Variants in HHAT observed in about 807,000 individuals in gnomAD.
The protein encoded by HHAT is hedgehog acyltransferase.
Under a neutral mutation model 70.8 loss-of-function variants are expected in HHAT, and 47 were observed. That is an observed-to-expected ratio of 0.66 (90% confidence interval 0.53 to 0.85). The LOEUF (loss-of-function observed/expected upper bound fraction) is 0.85. Among genes scored for constraint, HHAT ranks in the 40% least tolerant of loss-of-function variants. The pLI is 0.00. For missense variants in HHAT, 609 were observed against 604.8 expected, an observed-to-expected ratio of 1.01 and a Z score of -0.07; for synonymous variants, 228 against 247.6, an observed-to-expected ratio of 0.92 and a Z score of 0.74.
intron 8 of HHAT, among the ~76,000 whole-genome samples, chr1:210,487,783 G>A (rs1057146799): frequency 3.9e-5 from 6 of 152,134 alleles, no homozygotes; most frequent in African/African-American, 1.4e-4. Context: ...ATTTATGAAG[G>A]AAGTGCTCAT....
chr1:210,615,933 G>A (rs544347723), intron 10 of HHAT, among the ~76,000 whole-genome samples: 12 of 152,262 alleles, frequency 7.9e-5, no homozygotes, highest in Admixed American at 2.0e-4. Context: ...CTCAAGCTGC[G>A]TGCTGGGAGA....
intron 8 of HHAT, among the ~76,000 whole-genome samples, chr1:210,480,895 A>G (rs1435814633): frequency 6.6e-6 from 1 of 152,212 alleles, no homozygotes; most frequent in Non-Finnish European, 1.5e-5. Flanking sequence ...CTGTGACTCC[A>G]TCCATCTATC....
chr1:210,606,719 C>A (rs1457878282), intron 10 of HHAT, among the ~76,000 whole-genome samples: 2 of 152,052 alleles, frequency 1.3e-5, no homozygotes, highest in Non-Finnish European at 2.9e-5. Flanking sequence ...AAGAAAAAGG[C>A]CATAGGAGAT....
chr1:210,373,975 G>A (rs1158588445), intron 3 of HHAT, among the ~76,000 whole-genome samples: 1 of 151,998 alleles, frequency 6.6e-6, no homozygotes, highest in Non-Finnish European at 1.5e-5. Flanking sequence ...ATGTCACCAG[G>A]GAAAGTTACA....
chr1:210,599,190 G>A (rs1350943053), intron 10 of HHAT, among the ~76,000 whole-genome samples: 1 of 152,098 alleles, frequency 6.6e-6, no homozygotes, highest in Non-Finnish European at 1.5e-5. Context: ...TTAAACTCTG[G>A]ATTTTAAATA....
At chr1:210,491,994 C>T (rs906880498) in intron 8 of HHAT, among the ~76,000 whole-genome samples, 3 of 152,122 alleles carry the variant, frequency 2.0e-5, no homozygotes, top group African/African-American at 7.2e-5. Context: ...AACTCCTGAC[C>T]TCAGGCAATC....
intron 9 of HHAT, among the ~76,000 whole-genome samples, chr1:210,558,201 A>G (rs761738541): frequency 3.3e-5 from 5 of 152,180 alleles, no homozygotes; most frequent in African/African-American, 7.2e-5. Flanking sequence ...ATACCCAGCA[A>G]TTGGTGGGTG....
At position 210,575,007 on chromosome 1, in the gene HHAT, A is replaced by G. The variant is rs78008989; in HGVS notation, c.1044-12891A>G. 1.0e-3 allele frequency among the ~76,000 whole-genome samples: 153 copies of G among 152,312 alleles called. 2 individuals carry two copies. In the East Asian group the frequency reaches 0.022, roughly 22 times the overall value. On this transcript the variant is annotated intron_variant, in intron 9 of 11. Coordinates refer to ENST00000261458, the MANE Select transcript of HHAT (RefSeq NM_018194.6). ...GAAAGGAAACATCCAGGAGAAACCCATAGTTCACATGCTGATTAGAGGAGG... is the reference window on the plus strand; with the variant it reads ...GAAAGGAAACATCCAGGAGAAACCCGTAGTTCACATGCTGATTAGAGGAGG...
chr1:210,390,530 G>A (rs1020429956), intron 4 of HHAT, among the ~76,000 whole-genome samples: 10 of 151,912 alleles, frequency 6.6e-5, no homozygotes, highest in African/African-American at 1.2e-4. Context: ...AGTAGTTTTC[G>A]GGGTACAGGT....
chr1:210,594,509 T>TATC (rs1662492571), intron 10 of HHAT, among the ~76,000 whole-genome samples: 1 of 149,614 alleles, frequency 6.7e-6, no homozygotes, highest in Admixed American at 6.7e-5. Context: ...CTCATTGTAC[T>TATC]ATCTATGTCT....
intron 4 of HHAT, among the ~76,000 whole-genome samples, chr1:210,399,140 G>A (rs2091941274): frequency 6.6e-6 from 1 of 152,170 alleles, no homozygotes; most frequent in Non-Finnish European, 1.5e-5. Context: ...TGGTTCCTGG[G>A]ATCCACATTT....
rs1027575673 is a variant in HHAT at position 210,675,281 on chromosome 1, C to T, written c.*902C>T. Reference sequence around the variant, plus strand: ...TTATATTATTAAGGTTTGATTCAAACAGAGCCTTTTCTGTCCTGTAGATAA... The same window carrying T: ...TTATATTATTAAGGTTTGATTCAAATAGAGCCTTTTCTGTCCTGTAGATAA... On this transcript the variant is annotated 3_prime_UTR_variant, in exon 12 of 12. Coordinates refer to ENST00000261458, the MANE Select transcript of HHAT (RefSeq NM_018194.6). 2.0e-5 allele frequency: 3 copies of T among 152,148 alleles called. No homozygotes were observed. The highest frequency in any genetic ancestry group is 4.4e-5 in the Non-Finnish European group (3 of 68,026). 9.4% of individuals were successfully genotyped at this position (152,148 alleles called of 1,614,324 possible). A position where few individuals can be genotyped will look rare whatever the true frequency, so the allele number is the denominator to read the frequency against.
intron 11 of HHAT, among the ~76,000 whole-genome samples, chr1:210,662,491 T>C (rs1677955538): frequency 6.6e-6 from 1 of 152,164 alleles, no homozygotes; most frequent in Admixed American, 6.5e-5. Context: ...ACAACACTCC[T>C]AATTAGGCTG....
Position 210,453,523 on chromosome 1 carries a change from C to G in HHAT, c.857-10982C>G, listed in dbSNP as rs112680860. Among the ~76,000 whole-genome samples the G allele has an allele frequency of 5.8e-3, 883 of 152,166 alleles. 12 individuals carry two copies. Among genetic ancestry groups the G allele is most frequent in the African/African-American group, 0.02 (845 of 41,500 alleles). ...AAAATACCCCCTATTCCGTGCCTTCCCTTTCCCCCTTTCTCTCCTTCCCCC... is the reference window on the plus strand; with the variant it reads ...AAAATACCCCCTATTCCGTGCCTTCGCTTTCCCCCTTTCTCTCCTTCCCCC... On this transcript the variant is annotated intron_variant, in intron 7 of 11. Coordinates refer to ENST00000261458, the MANE Select transcript of HHAT (RefSeq NM_018194.6).
chr1:210,448,081 C>CT (rs34807311), intron 7 of HHAT, among the ~76,000 whole-genome samples: 29,692 of 136,708 alleles, frequency 0.22, 3,384 homozygotes, highest in South Asian at 0.29. Flanking sequence ...GTTAGAGGTT[C>CT]TTTTTTTTTT....
chr1:210,662,628 G>A (rs997031291), intron 11 of HHAT, among the ~76,000 whole-genome samples: 1 of 152,056 alleles, frequency 6.6e-6, no homozygotes, highest in Admixed American at 6.5e-5. Context: ...TGGAAAGCAG[G>A]TCCCCTACCT....
intron 11 of HHAT, among the ~76,000 whole-genome samples, chr1:210,672,713 A>G (rs955116388): frequency 1.2e-4 from 18 of 152,352 alleles, no homozygotes; most frequent in Non-Finnish European, 2.4e-4. Flanking sequence ...GAAGATTGTT[A>G]AGTAACAAAT....
intron 2 of HHAT, among the ~76,000 whole-genome samples, chr1:210,353,970 T>G (rs2087329004): frequency 6.6e-6 from 1 of 152,144 alleles, no homozygotes; most frequent in Admixed American, 6.6e-5. Context: ...CTCAGAAAGA[T>G]TTCTAGAAGA....
intron 7 of HHAT, among the ~76,000 whole-genome samples, chr1:210,448,046 A>G (rs1451950150): frequency 6.6e-6 from 1 of 150,498 alleles, no homozygotes; most frequent in Non-Finnish European, 1.5e-5. Context: ...CAATGTGGTG[A>G]TAGTTTAATT....
Sources: gnomAD v4.1 joint callset for allele counts (sites outside exome capture counted in the v4.1 genomes callset) on GRCh38, gnomAD v4.1.1 for gene constraint, MANE v1.5 for transcripts, NCBI Gene and HGNC (gene_info 2026-07-23, HGNC 2026-07-21) for gene names.